The following SGK3 variants were observed in gnomAD, a reference collection of about 807,000 sequenced individuals.
SGK3 encodes serine/threonine-protein kinase Sgk3.
SGK3 carries 47 observed loss-of-function variants against 68.5 expected under a neutral mutation model. That is an observed-to-expected ratio of 0.69 (90% confidence interval 0.54 to 0.87). The LOEUF is 0.87. Among genes scored for constraint, SGK3 ranks in the 40% least tolerant of loss-of-function variants. SGK3 has a pLI of 0.00. For missense variants in SGK3, 479 were observed against 575.5 expected (o/e 0.83, Z 1.72); for synonymous variants, 181 against 189.1 (o/e 0.96, Z 0.35).
rs534000617 is a variant in SGK3, at chr8:66,763,760, G to T, written c.-121-29856G>T. ...AAATTCAGTACTACAGGTTTTTTTG[G>T]TTTTTTTAAACCCAAGTTCATCTGT... On this transcript the variant is annotated intron_variant, in intron 1 of 16. Transcript: ENST00000521198. Among the ~76,000 whole-genome samples, 842 of 151,622 alleles carry T rather than the reference G, an allele frequency of 5.6e-3. 4 individuals are homozygous for T. The highest frequency in any genetic ancestry group is 0.01 in the Middle Eastern group (3 of 290).
intron 1 of SGK3, among the ~76,000 whole-genome samples, chr8:66,772,643 C>T (rs376660645): frequency 6.6e-6 from 1 of 151,316 alleles, no homozygotes; most frequent in South Asian, 2.1e-4. Flanking sequence ...TCACTGCAAG[C>T]TCTGCCTCCC....
chr8:66,851,333 G>A (rs960930452), intron 16 of SGK3, among the ~76,000 whole-genome samples: 1 of 151,942 alleles, frequency 6.6e-6, no homozygotes, highest in Non-Finnish European at 1.5e-5. Context: ...GGCCAACATG[G>A]CGAAACCCTG....
chr8:66,748,595 C>T (rs548016110), intron 1 of SGK3, among the ~76,000 whole-genome samples: 1 of 152,134 alleles, frequency 6.6e-6, no homozygotes, highest in South Asian at 2.1e-4. Context: ...GACCTGACCT[C>T]GTGCTCATTT....
intron 1 of SGK3, chr8:66,767,879 T>C: frequency 7.7e-7 from 1 of 1,306,440 alleles, no homozygotes; most frequent in Non-Finnish European, 1.1e-6. Flanking sequence ...AAACATGATA[T>C]TGAAACTTGA....
chr8:66,725,492 T>G (rs544180834), intron 1 of SGK3, among the ~76,000 whole-genome samples: 1 of 151,910 alleles, frequency 6.6e-6, no homozygotes, highest in South Asian at 2.1e-4. Context: ...TCTCACTATT[T>G]TTTTTTTTAA....
chr8:66,814,939 C>G (rs1283503872), intron 5 of SGK3, among the ~76,000 whole-genome samples: 1 of 152,088 alleles, frequency 6.6e-6, no homozygotes, highest in Non-Finnish European at 1.5e-5. Flanking sequence ...ATAAAGTATT[C>G]TAAGAGGAAA....
At chr8:66,822,698 A>C (rs943455367) in intron 6 of SGK3, among the ~76,000 whole-genome samples, 2 of 152,146 alleles carry the variant, frequency 1.3e-5, no homozygotes, top group Non-Finnish European at 2.9e-5. Context: ...AGCTCACTGC[A>C]ACCTCCACCT....
chr8:66,839,976 C>A, intron 10 of SGK3, 27 bp from the exon 11 acceptor site: 1 of 1,593,570 alleles, frequency 6.3e-7, no homozygotes, highest in Admixed American at 1.7e-5. Context: ...ATTCTCTCTC[C>A]CCCCACCCCC....
intron 1 of SGK3, among the ~76,000 whole-genome samples, chr8:66,718,034 C>CT (rs1234769849): frequency 1.2e-4 from 17 of 141,706 alleles, no homozygotes; most frequent in Admixed American, 1.4e-4. Context: ...TTTTTTTTTT[C>CT]TTTTTTTTTG....
At chr8:66,722,819 C>T (rs868652907) in intron 1 of SGK3, among the ~76,000 whole-genome samples, 29 of 151,864 alleles carry the variant, frequency 1.9e-4, no homozygotes, top group Admixed American at 1.3e-3. Flanking sequence ...GCAATCATTG[C>T]AGAACATGAA....
At chr8:66,734,074 C>T (rs550830733) in intron 1 of SGK3, among the ~76,000 whole-genome samples, 54 of 152,236 alleles carry the variant, frequency 3.5e-4, no homozygotes, top group Admixed American at 6.5e-4. Context: ...GCAGGAATCA[C>T]AGTGAAAAGC....
intron 1 of SGK3, among the ~76,000 whole-genome samples, chr8:66,771,839 C>T (rs371851661): frequency 3.0e-4 from 46 of 151,986 alleles, no homozygotes; most frequent in African/African-American, 1.1e-3. Context: ...AGGTAGATTA[C>T]TTTTTATTTA....
intron 16 of SGK3, among the ~76,000 whole-genome samples, chr8:66,856,948 C>T (rs1263341154): frequency 1.3e-5 from 2 of 152,054 alleles, no homozygotes; most frequent in Non-Finnish European, 2.9e-5. Context: ...CAAAAATTAG[C>T]TGGGCATGGT....
In SGK3 at chr8:66,831,271, T is replaced by C. The variant is rs779288300; in HGVS notation, c.485T>C (p.Phe162Ser). Residue 162 changes from phenylalanine to serine, a missense_variant, in exon 8 of 17, where the codon TTT becomes TCT. Phe to Ser is a radical substitution (Grantham distance 155). Transcript: ENST00000521198. The part of the protein sequence containing the change: ...SGNPHAKPTD[F>S]DFLKVIGKGS... ...TATTTCAGTGCCAAACCAACTGACT[T>C]TGATTTCTTAAAAGTTATTGGAAAA... is the stretch of plus-strand genomic sequence containing the variant. The C allele has an allele frequency of 2.5e-5, 40 of 1,614,008 alleles. No homozygotes were observed. The highest frequency in any genetic ancestry group is 3.2e-5 in the Non-Finnish European group (38 of 1,180,012).
chr8:66,854,506 G>A (rs1279671759), intron 16 of SGK3, among the ~76,000 whole-genome samples: 4 of 152,286 alleles, frequency 2.6e-5, no homozygotes, highest in Non-Finnish European at 4.4e-5. Context: ...ACATCTGAGA[G>A]GTGGGTCTGG....
At chr8:66,718,553 A>G (rs1313626527) in intron 1 of SGK3, among the ~76,000 whole-genome samples, 1 of 150,896 alleles carries the variant, frequency 6.6e-6, no homozygotes, top group African/African-American at 2.4e-5. Context: ...TTTTGAGACA[A>G]ACTCTCACTG....
At chr8:66,829,678 G>C (rs1809218532) in intron 7 of SGK3, among the ~76,000 whole-genome samples, 1 of 152,140 alleles carries the variant, frequency 6.6e-6, no homozygotes, top group South Asian at 2.1e-4. Context: ...ATAAGACCCT[G>C]ATCAGAAAGG....
chr8:66,779,442 T>G (rs1052094313), intron 1 of SGK3, among the ~76,000 whole-genome samples: 2 of 151,072 alleles, frequency 1.3e-5, no homozygotes, highest in African/African-American at 4.9e-5. Context: ...TTTTGTTGTT[T>G]TTGATTTTAG....
chr8:66,798,332 A>G (rs1041849924), intron 2 of SGK3, among the ~76,000 whole-genome samples: 7 of 152,134 alleles, frequency 4.6e-5, no homozygotes, highest in South Asian at 2.1e-4. Flanking sequence ...ACAAGATTCA[A>G]TAAGTGCTTT....
Sources: gnomAD v4.1 joint callset for allele counts (sites outside exome capture counted in the v4.1 genomes callset) on GRCh38, gnomAD v4.1.1 for gene constraint, MANE v1.5 for transcripts, NCBI Gene and HGNC (gene_info 2026-07-23, HGNC 2026-07-21) for gene names.